RASA4: variants seen among roughly 807,000 people sequenced by gnomAD.
RASA4 encodes the protein ras GTPase-activating protein 4.
Under a neutral mutation model 24.0 loss-of-function variants are expected in RASA4, and 5 were observed. The ratio of observed to expected loss-of-function variants is 0.21; its 90% CI spans 0.11 to 0.44. The LOEUF (loss-of-function observed/expected upper bound fraction) is 0.44, where lower values mean the gene tolerates loss of function less well. Among genes scored for constraint, RASA4 ranks in the 20% least tolerant of loss-of-function variants. The pLI is 0.99. For synonymous variants in RASA4, 9 were observed against 132.7 expected (o/e 0.07, Z 6.41); for missense variants, 38 against 293.0 (o/e 0.13, Z 6.35).
At chr7:102,612,033 T>C (rs556249732) in intron 1 of RASA4, 2 of 142,882 alleles carry the variant, frequency 1.4e-5, no homozygotes, top group Admixed American at 1.4e-4. Flanking sequence ...GGCAAGCTCC[T>C]GGGACCCCTA....
intron 6 of RASA4, among the ~76,000 whole-genome samples, chr7:102,601,950 C>T (rs1164784722): frequency 5.8e-4 from 3 of 5,166 alleles, no homozygotes; most frequent in African/African-American, 6.2e-4. Context: ...AAACACAAAA[C>T]AAAAACAGTA....
chr7:102,605,947 A>C lies in RASA4; in HGVS notation c.339T>G (p.Asp113Glu), dbSNP rs11547191. ...GWAHLTEVDPDEEVQGEIHLR... is the reference protein window; with the variant it reads ...GWAHLTEVDPEEEVQGEIHLR... ...GGTGGATCTCGCCCTGCACCTCCTCATCGGGGTCGACCTCCGTCAGGTGGG... is the reference window on the plus strand; with the variant it reads ...GGTGGATCTCGCCCTGCACCTCCTCCTCGGGGTCGACCTCCGTCAGGTGGG... Residue 113 changes from aspartate (D) to glutamate (E), a missense_variant, in exon 5 of 21, where the codon GAT becomes GAG. Transcript: ENST00000262940. 1.2e-5 allele frequency: 18 copies of C among 1,559,478 alleles called. No individual in the cohort carries two copies. Among genetic ancestry groups the C allele is most frequent in the Admixed American group, 1.1e-4 (6 of 55,834 alleles).
intron 16 of RASA4, among the ~76,000 whole-genome samples, chr7:102,591,844 T>C (rs1391809560): frequency 6.7e-6 from 1 of 149,996 alleles, no homozygotes; most frequent in Admixed American, 6.6e-5. Context: ...TTCATTTTTT[T>C]TTTTTTTGAG....
chr7:102,590,850 G>A (rs1789954325), intron 16 of RASA4, among the ~76,000 whole-genome samples: 1 of 139,066 alleles, frequency 7.2e-6, no homozygotes, highest in Non-Finnish European at 1.5e-5. Flanking sequence ...TGAGGCAGGA[G>A]AATCGCTTGA....
chr7:102,592,774 TA>T (rs1248089034), intron 15 of RASA4, among the ~76,000 whole-genome samples: 3 of 152,238 alleles, frequency 2.0e-5, no homozygotes, highest in Non-Finnish European at 4.4e-5. Flanking sequence ...GCCATGGGTC[TA>T]GGGGTGGGGC....
At chr7:102,591,030 C>CT (rs1789971621) in intron 16 of RASA4, among the ~76,000 whole-genome samples, 1 of 137,070 alleles carries the variant, frequency 7.3e-6, no homozygotes, top group Admixed American at 7.2e-5. Context: ...TAATAATCAT[C>CT]TGAGTGCTTT....
Position 102,590,275 on chromosome 7 carries a change from C to CT in RASA4, c.1851dup (p.Ala618SerfsTer10), listed in dbSNP as rs1471240632. 28 of 247,468 alleles carry CT rather than the reference C, an allele frequency of 1.1e-4. 1 individual carries two copies. The highest frequency in any genetic ancestry group is 1.5e-4 in the Non-Finnish European group (21 of 136,176). The allele number at this position is 247,468 out of a possible 1,614,324, so 15.3% of individuals were successfully genotyped here. ...ACCTTTTCCGCTGCCCGGATGTTGG[C>CT]TAACTTGATGAGGGCGCTTTTCTGG... is the stretch of plus-strand genomic sequence containing the variant. On this transcript the variant is annotated frameshift_variant, in exon 17 of 21. Coordinates refer to ENST00000262940, the MANE Select transcript of RASA4 (RefSeq NM_006989.6). LOFTEE classifies it high-confidence loss of function.
intron 9 of RASA4, 80 bp from the exon 10 acceptor site, chr7:102,595,864 C>T (rs1790190771): frequency 6.5e-7 from 1 of 1,528,884 alleles, no homozygotes; most frequent in African/African-American, 1.4e-5. Context: ...GACATTTTCC[C>T]AAGGGGTGGC....
chr7:102,587,402 GCCTCC>G, intron 18 of RASA4: 1 of 358,332 alleles, frequency 2.8e-6, no homozygotes, highest in African/African-American at 2.9e-5. Flanking sequence ...GTGTTTTCGG[GCCTCC>G]TTAGAGCCTT....
At chr7:102,606,061 T>G (rs1790636175) in intron 4 of RASA4, 74 bp from the exon 5 acceptor site, 1 of 1,508,094 alleles carries the variant, frequency 6.6e-7, no homozygotes, top group Non-Finnish European at 9.0e-7. Context: ...CCAGGCACCT[T>G]GAGGCACCTC....
intron 16 of RASA4, among the ~76,000 whole-genome samples, chr7:102,591,836 CA>C (rs1231440882): frequency 0.011 from 1,540 of 137,184 alleles, no homozygotes; most frequent in African/African-American, 0.042. Context: ...CCTCCATATT[CA>C]TTTTTTTTTT....
At chr7:102,590,937 T>C in intron 16 of RASA4, among the ~76,000 whole-genome samples, 1 of 143,032 alleles carries the variant, frequency 7.0e-6, no homozygotes. Context: ...CGAAACTCCA[T>C]CTCAAAAAAA....
chr7:102,602,999 C>T (rs1347440378), intron 5 of RASA4, among the ~76,000 whole-genome samples: 7 of 150,402 alleles, frequency 4.7e-5, no homozygotes, highest in Non-Finnish European at 7.4e-5. Flanking sequence ...CTCGCTCTGT[C>T]GCCCAGGCTG....
At chr7:102,590,899 C>A (rs1315438137) in intron 16 of RASA4, among the ~76,000 whole-genome samples, 1 of 141,950 alleles carries the variant, frequency 7.0e-6, no homozygotes, top group Non-Finnish European at 1.5e-5. Flanking sequence ...AAGATCGCAC[C>A]ATTGCACTCT....
intron 5 of RASA4, among the ~76,000 whole-genome samples, chr7:102,603,585 C>T (rs1292408409): frequency 6.6e-6 from 1 of 151,328 alleles, no homozygotes. Flanking sequence ...CTACTTAGAA[C>T]TCTTTGTGGA....
chr7:102,590,749 T>G (rs1389230394), intron 16 of RASA4, among the ~76,000 whole-genome samples: 1 of 145,776 alleles, frequency 6.9e-6, no homozygotes, highest in Non-Finnish European at 1.5e-5. Flanking sequence ...GAGACCAGCC[T>G]GACAAACATG....
In RASA4 at chr7:102,610,689, G is replaced by A. The variant is rs1207789094; in HGVS notation, c.122+397C>T. Among the ~76,000 whole-genome samples the A allele has an allele frequency of 2.6e-5, 4 of 151,844 alleles. No individual in the cohort carries two copies. In the Admixed American group the frequency reaches 2.6e-4, roughly 10 times the overall value. On this transcript the variant is annotated intron_variant, in intron 2 of 20. Coordinates refer to ENST00000262940, the MANE Select transcript of RASA4 (RefSeq NM_006989.6). The stretch of plus-strand genomic sequence containing the variant: ...CATGTGACCTTGGCCAGGGTAGTTA[G>A]TCTCCCTGAGCCTCAGTTTCCTTGT...
chr7:102,604,901 G>T (rs1162791193), intron 5 of RASA4, among the ~76,000 whole-genome samples: 1 of 137,122 alleles, frequency 7.3e-6, no homozygotes, highest in Non-Finnish European at 1.7e-5. Context: ...CACAGGCAGG[G>T]AGCGACTTGG....
At position 102,581,139 on chromosome 7, in the gene RASA4, C is replaced by T. The variant is rs368246765; in HGVS notation, c.*1632G>A. On this transcript the variant is annotated 3_prime_UTR_variant, in exon 21 of 21. Coordinates refer to ENST00000262940, the MANE Select transcript of RASA4 (RefSeq NM_006989.6). ...GGGCTGGGACCACCTGGAGACGCCC[C>T]GTGTCTATGAGCTGCTGTTGTGAGG... 2 of 151,268 alleles carry T rather than the reference C, an allele frequency of 1.3e-5. No individual in the cohort carries two copies. The highest frequency in any genetic ancestry group is 4.8e-5 in the African/African-American group (2 of 41,380). The allele number at this position is 151,268 out of a possible 1,614,324, so 9.4% of individuals were successfully genotyped here. A position where few individuals can be genotyped will look rare whatever the true frequency, so the allele number is the denominator to read the frequency against.
Sources: allele counts gnomAD v4.1 joint callset (sites outside exome capture counted in the v4.1 genomes callset), GRCh38; gene constraint gnomAD v4.1.1; transcripts MANE v1.5; gene names NCBI Gene and HGNC (gene_info 2026-07-23, HGNC 2026-07-21).